The following LRRIQ1 variants were observed in gnomAD, a reference collection of about 807,000 sequenced individuals.
LRRIQ1 encodes leucine-rich repeat- and IQ domain-containing protein 1.
LRRIQ1 carries 210 observed loss-of-function variants against 211.9 expected under a neutral mutation model. The ratio of observed to expected loss-of-function variants is 0.99; its 90% CI spans 0.89 to 1.11. LRRIQ1 has a LOEUF of 1.11. Ranked by LOEUF, LRRIQ1 falls within the 50% of genes most tolerant of loss-of-function variation. LRRIQ1 has a pLI of 0.00. For synonymous variants in LRRIQ1, 699 were observed against 650.1 expected (o/e 1.08, Z -1.14); for missense variants, 2,136 against 1,939.5 (o/e 1.10, Z -1.90).
At chr12:85,129,538 G>A (rs1229644116) in intron 18 of LRRIQ1, among the ~76,000 whole-genome samples, 1 of 152,122 alleles carries the variant, frequency 6.6e-6, no homozygotes, top group African/African-American at 2.4e-5. Flanking sequence ...TCAAAGAAAA[G>A]CTTATCAATT....
At chr12:85,177,549 C>T (rs1287953438) in intron 24 of LRRIQ1, among the ~76,000 whole-genome samples, 1 of 152,032 alleles carries the variant, frequency 6.6e-6, no homozygotes, top group East Asian at 1.9e-4. Context: ...ACTTTGAAGA[C>T]TAGGTTAGCC....
intron 12 of LRRIQ1, 141 bp from the exon 13 acceptor site, chr12:85,098,723 ATAT>A (rs1188285473): frequency 3.2e-5 from 22 of 687,502 alleles, no homozygotes; most frequent in Non-Finnish European, 4.3e-5. Context: ...AATTTTATTC[ATAT>A]TTAAAAAGTC....
chr12:85,177,411 C>A (rs927157040), intron 24 of LRRIQ1, among the ~76,000 whole-genome samples: 3 of 152,006 alleles, frequency 2.0e-5, no homozygotes, highest in Non-Finnish European at 4.4e-5. Context: ...CATTTTGAAT[C>A]TAGCCCAGAG....
chr12:85,103,990 GT>G lies in LRRIQ1; in HGVS notation c.3210-9del. ...AATTTAGAATTTTGATGAAGTTTTT[GT>G]TTTTGTTTTCAGCTTGACTAAAATC... On this transcript the variant is annotated splice_polypyrimidine_tract_variant and intron_variant, in intron 13 of 26. Coordinates refer to ENST00000393217, the MANE Select transcript of LRRIQ1 (RefSeq NM_001079910.2). The G allele has an allele frequency of 4.5e-6, 7 of 1,538,564 alleles. No individual in the cohort carries two copies. The highest frequency in any genetic ancestry group is 6.2e-6 in the Non-Finnish European group (7 of 1,132,528).
intron 15 of LRRIQ1, among the ~76,000 whole-genome samples, chr12:85,114,876 A>G (rs1480342769): frequency 1.3e-5 from 2 of 152,150 alleles, no homozygotes; most frequent in Non-Finnish European, 2.9e-5. Context: ...CAAAGGATCA[A>G]CTCAAACTTT....
At chr12:85,055,448 C>T (rs1490511914) in intron 7 of LRRIQ1, 99 bp from the exon 8 acceptor site, 1 of 944,912 alleles carries the variant, frequency 1.1e-6, no homozygotes, top group African/African-American at 1.7e-5. Context: ...ATTAAGACTT[C>T]AGTTTTAGTA....
chr12:85,208,533 A>G (rs1381938756), intron 24 of LRRIQ1, among the ~76,000 whole-genome samples: 1 of 152,176 alleles, frequency 6.6e-6, no homozygotes, highest in Non-Finnish European at 1.5e-5. Flanking sequence ...TGAATACTTA[A>G]GATAGTGGAT....
At position 85,047,389 on chromosome 12, in the gene LRRIQ1, A is replaced by G. The variant is rs750452706; in HGVS notation, c.597A>G (p.Gln199=). ...CTCAGAGGGATAGAGAAGAAAAACAATTTCAAGAAGAAGAAGAAAAGCGAC... is the reference window on the plus strand; with the variant it reads ...CTCAGAGGGATAGAGAAGAAAAACAGTTTCAAGAAGAAGAAGAAAAGCGAC... ...LKAQRDREEK[Q]FQEEEEKRHC... The change falls in exon 6 of 27, where the codon CAA becomes CAG. Residue 199 remains glutamine, a synonymous_variant. Coordinates refer to ENST00000393217, the MANE Select transcript of LRRIQ1 (RefSeq NM_001079910.2). 29 of 1,611,106 alleles carry G rather than the reference A, an allele frequency of 1.8e-5. No homozygotes were observed. Among genetic ancestry groups the G allele is most frequent in the Non-Finnish European group, 2.2e-5 (26 of 1,177,810 alleles).
chr12:85,039,613 T>G (rs1239389872), intron 2 of LRRIQ1, among the ~76,000 whole-genome samples: 1 of 151,662 alleles, frequency 6.6e-6, no homozygotes, highest in African/African-American at 2.4e-5. Context: ...CTGAATTCCA[T>G]TAGTTAGGAT....
intron 12 of LRRIQ1, 49 bp from the exon 13 acceptor site, chr12:85,098,818 G>A: frequency 7.4e-7 from 1 of 1,349,160 alleles, no homozygotes; most frequent in Non-Finnish European, 1.0e-6. Context: ...TGGGCTAAAT[G>A]ATAAAATATT....
intron 15 of LRRIQ1, among the ~76,000 whole-genome samples, chr12:85,109,121 G>T (rs1243761436): frequency 1.3e-5 from 2 of 152,104 alleles, no homozygotes; most frequent in Non-Finnish European, 2.9e-5. Context: ...TATTACAGAA[G>T]AATTAAATGT....
At chr12:85,233,367 G>A (rs904648562) in intron 26 of LRRIQ1, among the ~76,000 whole-genome samples, 9 of 151,906 alleles carry the variant, frequency 5.9e-5, no homozygotes, top group Non-Finnish European at 1.2e-4. Context: ...TTTTCAGTGC[G>A]TTTCTAGAAA....
At chr12:85,084,937 A>G (rs1884662859) in intron 11 of LRRIQ1, among the ~76,000 whole-genome samples, 1 of 152,124 alleles carries the variant, frequency 6.6e-6, no homozygotes, top group Non-Finnish European at 1.5e-5. Flanking sequence ...AAAAAAAAAA[A>G]AAGAAGTACA....
intron 13 of LRRIQ1, 58 bp downstream of exon 13, chr12:85,099,052 T>A: frequency 8.0e-7 from 1 of 1,252,538 alleles, no homozygotes. Context: ...AAATATGTGA[T>A]GTTCATAAAC....
intron 24 of LRRIQ1, among the ~76,000 whole-genome samples, chr12:85,214,016 G>A (rs933366486): frequency 1.3e-5 from 2 of 151,828 alleles, no homozygotes; most frequent in African/African-American, 4.8e-5. Context: ...TTATGTCAAT[G>A]CATTTGAAAA....
Position 85,162,603 on chromosome 12 carries a change from A to G in LRRIQ1, c.4822+1889A>G, listed in dbSNP as rs541000171. 3.5e-4 allele frequency among the ~76,000 whole-genome samples: 53 copies of G among 152,310 alleles called. 1 individual carries two copies. In the South Asian group the frequency reaches 0.01, roughly 29 times the overall value. On this transcript the variant is annotated intron_variant, in intron 24 of 26. Transcript: ENST00000393217. Reference sequence around the variant, plus strand: ...CTACATTACCATCTAGAATAGTATAATATGTATGTATGATATGTTTATTGA... The same window carrying G: ...CTACATTACCATCTAGAATAGTATAGTATGTATGTATGATATGTTTATTGA...
chr12:85,071,667 A>G (rs930436711), intron 10 of LRRIQ1, among the ~76,000 whole-genome samples: 2 of 152,042 alleles, frequency 1.3e-5, no homozygotes, highest in East Asian at 3.9e-4. Context: ...TTTATAAAGG[A>G]AAGAGGTTTA....
At chr12:85,160,783 A>G (rs1018208712) in intron 24 of LRRIQ1, 69 bp downstream of exon 24, 3 of 793,788 alleles carry the variant, frequency 3.8e-6, no homozygotes, top group African/African-American at 3.6e-5. Context: ...TATATTTACA[A>G]TAAATTTTTA....
At chr12:85,171,959 A>G (rs749874797) in intron 24 of LRRIQ1, among the ~76,000 whole-genome samples, 1 of 152,234 alleles carries the variant, frequency 6.6e-6, no homozygotes, top group Non-Finnish European at 1.5e-5. Context: ...CAAGCTGACT[A>G]ATGTAATAAT....
Sources: gnomAD v4.1 joint callset for allele counts (sites outside exome capture counted in the v4.1 genomes callset) on GRCh38, gnomAD v4.1.1 for gene constraint, MANE v1.5 for transcripts, NCBI Gene and HGNC (gene_info 2026-07-23, HGNC 2026-07-21) for gene names.